The following EML4 variants were observed in gnomAD, a reference collection of about 807,000 sequenced individuals.
The protein encoded by EML4 is EMAP like 4.
EML4 carries 72 observed loss-of-function variants against 129.0 expected under a neutral mutation model. The ratio of observed to expected loss-of-function variants is 0.56; its 90% CI spans 0.46 to 0.68. EML4 has a LOEUF of 0.68. Ranked by LOEUF, EML4 falls within the 30% of genes least tolerant of loss-of-function variation. The pLI, the probability that EML4 is intolerant of heterozygous loss-of-function variation, is 0.00. For synonymous variants in EML4, 532 were observed against 405.0 expected, an observed-to-expected ratio of 1.31 and a Z score of -3.77; for missense variants, 1,363 against 1,190.6, an observed-to-expected ratio of 1.14 and a Z score of -2.13.
chr2:42,305,758 T>G (rs1668563230), intron 17 of EML4, among the ~76,000 whole-genome samples: 1 of 152,224 alleles, frequency 6.6e-6, no homozygotes, highest in African/African-American at 2.4e-5. Context: ...AAATGTGGAA[T>G]GCTGATTTTT....
chr2:42,169,521 A>G lies in EML4; in HGVS notation c.-91A>G. The G allele has an allele frequency of 6.9e-7, 1 of 1,444,534 alleles. No homozygotes were observed. Among genetic ancestry groups the G allele is most frequent in the Non-Finnish European group, 9.2e-7 (1 of 1,081,772 alleles). The allele number at this position is 1,444,534 out of a possible 1,614,324, so 89.5% of individuals were successfully genotyped here. On this transcript the variant is annotated 5_prime_UTR_variant, in exon 1 of 23. Transcript: ENST00000318522. ...GCCGAGCCGGGCGACCTAGAGAACG[A>G]GCGGGTCAGGCTCAGCGTCGGCCAC...
chr2:42,327,564 C>T (rs1427896133), intron 21 of EML4, among the ~76,000 whole-genome samples: 1 of 152,152 alleles, frequency 6.6e-6, no homozygotes, highest in Non-Finnish European at 1.5e-5. Context: ...AATACAAAGG[C>T]ATTTTTAGGA....
chr2:42,325,458 AT>A lies in EML4; in HGVS notation c.2155-5del. On this transcript the variant is annotated splice_region_variant and splice_polypyrimidine_tract_variant and intron_variant, in intron 19 of 22. Transcript: ENST00000318522. ...AATGCTTTCTAACAATTTATCTGTT[AT>A]TTTCTAGGGACATTCCAGCTACATC... 7.0e-7 allele frequency: 1 copy of A among 1,430,638 alleles called. No homozygotes were observed. Among genetic ancestry groups the A allele is most frequent in the Non-Finnish European group, 9.8e-7 (1 of 1,020,426 alleles). The allele number at this position is 1,430,638 out of a possible 1,614,324, so 88.6% of individuals were successfully genotyped here.
At chr2:42,217,775 C>T (rs923495201) in intron 1 of EML4, among the ~76,000 whole-genome samples, 1 of 152,180 alleles carries the variant, frequency 6.6e-6, no homozygotes, top group Non-Finnish European at 1.5e-5. Context: ...AATATCAGAT[C>T]TGTCAACCAA....
chr2:42,194,997 C>G (rs1336572922), intron 1 of EML4, among the ~76,000 whole-genome samples: 1 of 152,080 alleles, frequency 6.6e-6, no homozygotes, highest in Non-Finnish European at 1.5e-5. Flanking sequence ...TGCTTTATTT[C>G]CAAATCAGGT....
chr2:42,299,446 T>C (rs1170066438), intron 13 of EML4, among the ~76,000 whole-genome samples: 1 of 152,204 alleles, frequency 6.6e-6, no homozygotes, highest in Non-Finnish European at 1.5e-5. Flanking sequence ...GTTTTTAGTA[T>C]ATTTACAAGG....
intron 1 of EML4, among the ~76,000 whole-genome samples, chr2:42,211,330 A>G (rs1479425098): frequency 6.6e-6 from 1 of 152,206 alleles, no homozygotes; most frequent in Non-Finnish European, 1.5e-5. Context: ...GTTGAATAGA[A>G]TAAAAGGAAG....
intron 1 of EML4, among the ~76,000 whole-genome samples, chr2:42,232,861 A>G (rs1393166331): frequency 6.6e-6 from 1 of 151,926 alleles, no homozygotes; most frequent in Non-Finnish European, 1.5e-5. Context: ...AGTAGCTGGG[A>G]CTACAGGCGC....
rs749857924 is a variant in EML4 at position 42,286,412 on chromosome 2, T to C, written c.1122+33T>C. ...ACAATTTTTAGAGAAGTAAGCAAGC[T>C]GAACAAAAAAGCAGGAAAGAAGTTA... On this transcript the variant is annotated intron_variant, in intron 10 of 22. Coordinates refer to ENST00000318522, the MANE Select transcript of EML4 (RefSeq NM_019063.5). 6 of 1,302,620 alleles carry C rather than the reference T, an allele frequency of 4.6e-6. No individual in the cohort carries two copies. In the East Asian group the frequency reaches 6.9e-5, roughly 15 times the overall value. The allele number at this position is 1,302,620 out of a possible 1,614,324, so 80.7% of individuals were successfully genotyped here. A position where few individuals can be genotyped will look rare whatever the true frequency, so the allele number is the denominator to read the frequency against.
At chr2:42,325,588 TG>T (rs763563310) in intron 20 of EML4, 34 bp downstream of exon 20, 55 of 285,626 alleles carry the variant, frequency 1.9e-4, no homozygotes, top group South Asian at 6.2e-4. Flanking sequence ...TATATATATA[TG>T]CTATGATTAT....
At chr2:42,226,737 C>G (rs1173170444) in intron 1 of EML4, among the ~76,000 whole-genome samples, 2 of 152,042 alleles carry the variant, frequency 1.3e-5, no homozygotes, top group Non-Finnish European at 2.9e-5. Flanking sequence ...TTTAAATGTT[C>G]TTTCTCCTCA....
At chr2:42,172,907 T>G (rs1051203085) in intron 1 of EML4, among the ~76,000 whole-genome samples, 1 of 152,350 alleles carries the variant, frequency 6.6e-6, no homozygotes, top group East Asian at 1.9e-4. Context: ...ACTTTTATCT[T>G]GGAATTAACC....
chr2:42,295,759 TAGAA>T (rs1667910695), intron 13 of EML4, among the ~76,000 whole-genome samples: 1 of 152,126 alleles, frequency 6.6e-6, no homozygotes, highest in Non-Finnish European at 1.5e-5. Context: ...AGTTAATAAT[TAGAA>T]AGAAATGATA....
At chr2:42,299,663 C>G (rs1337459138) in intron 13 of EML4, among the ~76,000 whole-genome samples, 1 of 152,032 alleles carries the variant, frequency 6.6e-6, no homozygotes, top group Non-Finnish European at 1.5e-5. Flanking sequence ...TGACTTGCTT[C>G]TTTCACTTAG....
rs548760390 is a variant in EML4, at chr2:42,325,561, A to G, written c.2242+7A>G. ...GACTATGAAATATTGTACTGTAAGT[A>G]TGAATGATTTTATATATATATATAT... is the stretch of plus-strand genomic sequence containing the variant. On this transcript the variant is annotated splice_region_variant and intron_variant, in intron 20 of 22. Coordinates refer to ENST00000318522, the MANE Select transcript of EML4 (RefSeq NM_019063.5). 2.0e-5 allele frequency: 19 copies of G among 954,000 alleles called. No homozygotes were observed. The African/African-American group carries it at 3.2e-4, about 16-fold the overall frequency. 59.1% of individuals were successfully genotyped at this position (954,000 alleles called of 1,614,324 possible). A position where few individuals can be genotyped will look rare whatever the true frequency, so the allele number is the denominator to read the frequency against.
intron 1 of EML4, among the ~76,000 whole-genome samples, chr2:42,193,133 T>C (rs769367458): frequency 6.6e-6 from 1 of 152,234 alleles, no homozygotes; most frequent in Non-Finnish European, 1.5e-5. Flanking sequence ...TACTGTACCT[T>C]TTCTGTGCTT....
At chr2:42,182,483 G>A (rs186001333) in intron 1 of EML4, among the ~76,000 whole-genome samples, 3 of 152,040 alleles carry the variant, frequency 2.0e-5, no homozygotes, top group African/African-American at 7.2e-5. Context: ...CTGACACCCC[G>A]TACTGTGCTG....
At chr2:42,263,586 G>C (rs1439317879) in intron 5 of EML4, among the ~76,000 whole-genome samples, 1 of 151,434 alleles carries the variant, frequency 6.6e-6, no homozygotes, top group Non-Finnish European at 1.5e-5. Flanking sequence ...TGTATTTTTA[G>C]TAGAGACGGG....
chr2:42,238,058 A>C (rs1432340546), intron 1 of EML4, among the ~76,000 whole-genome samples: 1 of 152,244 alleles, frequency 6.6e-6, no homozygotes, highest in Non-Finnish European at 1.5e-5. Context: ...TTTCATGCAC[A>C]AAATTATTTT....
Sources: gnomAD v4.1 joint callset for allele counts (sites outside exome capture counted in the v4.1 genomes callset) on GRCh38, gnomAD v4.1.1 for gene constraint, MANE v1.5 for transcripts, NCBI Gene and HGNC (gene_info 2026-07-23, HGNC 2026-07-21) for gene names.